The following NTRK2 variants were observed in gnomAD, a reference collection of about 807,000 sequenced individuals.
NTRK2 encodes neurotrophic receptor tyrosine kinase 2, also known as BDNF/NT-3 growth factors receptor.
NTRK2 carries 13 observed loss-of-function variants against 94.5 expected under a neutral mutation model. The observed-to-expected ratio is 0.14, with a 90% CI of 0.09 to 0.22. The LOEUF is 0.22. NTRK2 is among the 10% of genes least tolerant of loss of function. NTRK2 has a pLI of 1.00. For synonymous variants in NTRK2, 372 were observed against 407.4 expected, an observed-to-expected ratio of 0.91 and a Z score of 1.05; for missense variants, 639 against 1,071.2, an observed-to-expected ratio of 0.60 and a Z score of 5.63.
intron 17 of NTRK2, among the ~76,000 whole-genome samples, chr9:84,958,560 C>G (rs74544299): frequency 1.3e-5 from 2 of 152,112 alleles, no homozygotes; most frequent in Non-Finnish European, 2.9e-5. Flanking sequence ...GTTAATTTCA[C>G]CCCCGTGGCC....
intron 14 of NTRK2, among the ~76,000 whole-genome samples, chr9:84,884,075 G>C (rs1170658613): frequency 6.6e-6 from 1 of 152,166 alleles, no homozygotes; most frequent in Non-Finnish European, 1.5e-5. Context: ...AAGAGAATGG[G>C]ACAGATGGAG....
Position 84,813,400 on chromosome 9 carries a change from C to T in NTRK2, c.1397-47640C>T, listed in dbSNP as rs199859281. On this transcript the variant is annotated intron_variant, in intron 12 of 18. Coordinates refer to ENST00000277120, the MANE Select transcript of NTRK2 (RefSeq NM_006180.6). The stretch of plus-strand genomic sequence containing the variant: ...ATTATTTTTAAAACATTTTGTAAGC[C>T]AACAAAAGTCTGTGGGCTGCCAGTT... The T allele has an allele frequency of 7.5e-6, 8 of 1,061,232 alleles. No homozygotes were observed. In the South Asian group the frequency reaches 3.2e-4, roughly 42 times the overall value. The allele number at this position is 1,061,232 out of a possible 1,614,324, so 65.7% of individuals were successfully genotyped here.
chr9:84,963,313 A>G (rs1366331175), intron 17 of NTRK2, among the ~76,000 whole-genome samples: 1 of 152,212 alleles, frequency 6.6e-6, no homozygotes, highest in Non-Finnish European at 1.5e-5. Context: ...ACAAAACTGC[A>G]ATTCTGTTAC....
At chr9:84,747,952 G>C (rs557086073) in intron 11 of NTRK2, among the ~76,000 whole-genome samples, 1 of 152,284 alleles carries the variant, frequency 6.6e-6, no homozygotes, top group South Asian at 2.1e-4. Flanking sequence ...AATTTGTGTG[G>C]TTCAGATATT....
intron 14 of NTRK2, among the ~76,000 whole-genome samples, chr9:84,926,209 T>G (rs1332293221): frequency 1.4e-5 from 2 of 140,260 alleles, no homozygotes; most frequent in African/African-American, 2.6e-5. Flanking sequence ...TTTCTTTCTT[T>G]CTTTCTTTCT....
At chr9:84,801,909 T>C (rs1400041822) in intron 12 of NTRK2, among the ~76,000 whole-genome samples, 1 of 152,238 alleles carries the variant, frequency 6.6e-6, no homozygotes, top group Non-Finnish European at 1.5e-5. Flanking sequence ...TTTTCATCTA[T>C]ATGACATTTT....
chr9:84,681,919 C>T (rs890617630), intron 2 of NTRK2, among the ~76,000 whole-genome samples: 1 of 152,304 alleles, frequency 6.6e-6, no homozygotes, highest in East Asian at 1.9e-4. Flanking sequence ...ATCAGCATAA[C>T]AGTCTTTTTC....
intron 12 of NTRK2, among the ~76,000 whole-genome samples, chr9:84,858,423 C>T (rs1277911263): frequency 1.3e-5 from 2 of 151,776 alleles, no homozygotes; most frequent in African/African-American, 4.8e-5. Flanking sequence ...TTGTACTTCC[C>T]ATTTCCCTCC....
intron 14 of NTRK2, among the ~76,000 whole-genome samples, chr9:84,907,462 A>C (rs1183094807): frequency 6.6e-6 from 1 of 152,238 alleles, no homozygotes; most frequent in Non-Finnish European, 1.5e-5. Context: ...AACAATAAGC[A>C]AACAGAAACG....
At chr9:84,716,705 C>G (rs2061732306) in intron 6 of NTRK2, among the ~76,000 whole-genome samples, 1 of 152,178 alleles carries the variant, frequency 6.6e-6, no homozygotes, top group Non-Finnish European at 1.5e-5. Context: ...TCAAGCAAAC[C>G]ACACAGTGGA....
At chr9:85,010,069 T>C (rs549895240) in intron 17 of NTRK2, among the ~76,000 whole-genome samples, 1 of 152,308 alleles carries the variant, frequency 6.6e-6, no homozygotes, top group East Asian at 1.9e-4. Flanking sequence ...CTGGACAGGA[T>C]GCACGCAGGA....
At chr9:84,682,906 T>C (rs2059481506) in intron 2 of NTRK2, among the ~76,000 whole-genome samples, 1 of 152,212 alleles carries the variant, frequency 6.6e-6, no homozygotes, top group African/African-American at 2.4e-5. Context: ...ATAGACTCTA[T>C]TTAACCAACT....
At chr9:84,812,853 T>G (rs932411883) in intron 12 of NTRK2, 62 of 1,034,550 alleles carry the variant, frequency 6.0e-5, no homozygotes, top group Non-Finnish European at 6.9e-5. Flanking sequence ...AGTGGACAGA[T>G]AAGGCCATTT....
Position 84,670,573 on chromosome 9 carries a change from G to T in NTRK2, c.-176G>T, listed in dbSNP as rs981970658. On this transcript the variant is annotated 5_prime_UTR_variant, in exon 2 of 19. Coordinates refer to ENST00000277120, the MANE Select transcript of NTRK2 (RefSeq NM_006180.6). Reference sequence around the variant, plus strand: ...CCACTGTGAACCCTGCCGCCTGCCGGAACACTCTTCGCTCCGGACCAGCTC... The same window carrying T: ...CCACTGTGAACCCTGCCGCCTGCCGTAACACTCTTCGCTCCGGACCAGCTC... The T allele has an allele frequency of 3.0e-6, 2 of 676,054 alleles. No homozygotes were observed. Among genetic ancestry groups the T allele is most frequent in the African/African-American group, 3.5e-5 (2 of 56,430 alleles). The allele number at this position is 676,054 out of a possible 1,614,324, so 41.9% of individuals were successfully genotyped here. A position where few individuals can be genotyped will look rare whatever the true frequency, so the allele number is the denominator to read the frequency against.
At chr9:85,002,020 C>CA (rs1830393719) in intron 17 of NTRK2, among the ~76,000 whole-genome samples, 1 of 152,196 alleles carries the variant, frequency 6.6e-6, no homozygotes. Flanking sequence ...AATGGCCATT[C>CA]ATGACAGAAA....
At chr9:84,866,218 G>A (rs2075585640) in intron 13 of NTRK2, among the ~76,000 whole-genome samples, 2 of 152,152 alleles carry the variant, frequency 1.3e-5, no homozygotes, top group South Asian at 4.1e-4. Flanking sequence ...TGAAGAAAGA[G>A]GAATGTAGTC....
At chr9:84,710,598 A>G in intron 5 of NTRK2, 39 bp from the exon 6 acceptor site, 1 of 1,613,042 alleles carries the variant, frequency 6.2e-7, no homozygotes, top group Non-Finnish European at 8.5e-7. Context: ...CTAAAATGGA[A>G]AAAGGAACTT....
intron 2 of NTRK2, among the ~76,000 whole-genome samples, chr9:84,697,622 C>A (rs2060465349): frequency 6.6e-6 from 1 of 152,190 alleles, no homozygotes; most frequent in Non-Finnish European, 1.5e-5. Flanking sequence ...TAACCCTGTG[C>A]CTTTGGGATC....
chr9:84,822,058 G>A (rs1480724898), intron 12 of NTRK2, among the ~76,000 whole-genome samples: 1 of 152,090 alleles, frequency 6.6e-6, no homozygotes, highest in Non-Finnish European at 1.5e-5. Context: ...TCCTCTAAGG[G>A]ATGATACATT....
Sources: allele counts gnomAD v4.1 joint callset (sites outside exome capture counted in the v4.1 genomes callset), GRCh38; gene constraint gnomAD v4.1.1; transcripts MANE v1.5; gene names NCBI Gene and HGNC (gene_info 2026-07-23, HGNC 2026-07-21).